ITPR1: variants seen among roughly 807,000 people sequenced by gnomAD.
ITPR1 encodes inositol 1,4,5-trisphosphate receptor type 1, also known as inositol 1,4,5-trisphosphate-gated calcium channel ITPR1.
ITPR1 carries 96 observed loss-of-function variants against 318.4 expected under a neutral mutation model. The ratio of observed to expected loss-of-function variants is 0.30; its 90% CI spans 0.26 to 0.36. The LOEUF (loss-of-function observed/expected upper bound fraction) is 0.36, where lower values mean the gene tolerates loss of function less well. Ranked by LOEUF, ITPR1 falls within the 10% of genes least tolerant of loss-of-function variation. The probability of loss-of-function intolerance (pLI) is 1.00; values close to 1 mark genes in which losing one functional copy is unlikely to be tolerated. For missense variants in ITPR1, 2,440 were observed against 3,460.2 expected (o/e 0.71, Z 7.40); for synonymous variants, 1,312 against 1,289.9 (o/e 1.02, Z -0.37).
At chr3:4,602,292 G>A (rs2091345887) in intron 4 of ITPR1, among the ~76,000 whole-genome samples, 2 of 152,096 alleles carry the variant, frequency 1.3e-5, no homozygotes, top group Admixed American at 1.3e-4. Context: ...GGCCAAGGTG[G>A]GTGGATTGCT....
At chr3:4,627,628 C>A in intron 4 of ITPR1, 135 bp from the exon 5 acceptor site, 1 of 584,364 alleles carries the variant, frequency 1.7e-6, no homozygotes, top group Non-Finnish European at 3.1e-6. Context: ...TGTCAAAGAG[C>A]TTTGTACTCT....
intron 2 of ITPR1, among the ~76,000 whole-genome samples, chr3:4,502,418 A>G (rs1262012522): frequency 6.6e-6 from 1 of 151,886 alleles, no homozygotes; most frequent in African/African-American, 2.4e-5. Flanking sequence ...GGCTGCTTGG[A>G]AAAACTAATT....
At chr3:4,670,007 A>G (rs1206161150) in intron 19 of ITPR1, among the ~76,000 whole-genome samples, 1 of 152,220 alleles carries the variant, frequency 6.6e-6, no homozygotes, top group African/African-American at 2.4e-5. Context: ...GAAGTCATGT[A>G]AACTCACCGG....
chr3:4,552,179 A>G (rs1460808160), intron 4 of ITPR1, among the ~76,000 whole-genome samples: 2 of 152,306 alleles, frequency 1.3e-5, no homozygotes, highest in East Asian at 3.9e-4. Context: ...GGGGTGGGGG[A>G]AATTCTCCCC....
At chr3:4,795,304 A>T in intron 53 of ITPR1, 117 bp downstream of exon 53, 1 of 878,070 alleles carries the variant, frequency 1.1e-6, no homozygotes, top group Non-Finnish European at 1.6e-6. Flanking sequence ...AGTTATCCAC[A>T]TTCAGACAAG....
intron 60 of ITPR1, among the ~76,000 whole-genome samples, chr3:4,824,141 C>T (rs1400301955): frequency 6.6e-6 from 1 of 152,136 alleles, no homozygotes; most frequent in Non-Finnish European, 1.5e-5. Context: ...GAACCTGCCC[C>T]CCCATGGTAG....
intron 52 of ITPR1, among the ~76,000 whole-genome samples, chr3:4,791,554 A>C (rs1459510264): frequency 6.6e-6 from 1 of 152,198 alleles, no homozygotes; most frequent in East Asian, 1.9e-4. Context: ...TGTGCTGCCC[A>C]GTTCATAACA....
At chr3:4,792,194 A>G (rs2047603423) in intron 52 of ITPR1, among the ~76,000 whole-genome samples, 1 of 152,056 alleles carries the variant, frequency 6.6e-6, no homozygotes, top group African/African-American at 2.4e-5. Context: ...ACCACATTGG[A>G]CCTACCTAGA....
intron 36 of ITPR1, among the ~76,000 whole-genome samples, chr3:4,704,109 C>G (rs961823841): frequency 6.6e-6 from 1 of 152,066 alleles, no homozygotes; most frequent in Non-Finnish European, 1.5e-5. Flanking sequence ...GGGGGAAAAG[C>G]GTTGAAAAAC....
At chr3:4,718,758 G>A (rs956654965) in intron 40 of ITPR1, among the ~76,000 whole-genome samples, 2 of 152,188 alleles carry the variant, frequency 1.3e-5, no homozygotes, top group Non-Finnish European at 2.9e-5. Flanking sequence ...AAAAGGGAGT[G>A]CACCAACTTA....
At chr3:4,682,067 C>G (rs1231673991) in intron 26 of ITPR1, among the ~76,000 whole-genome samples, 1 of 152,184 alleles carries the variant, frequency 6.6e-6, no homozygotes, top group African/African-American at 2.4e-5. Flanking sequence ...TAACATATTA[C>G]TCCAAAAAAC....
chr3:4,504,503 G>A (rs1169891928), intron 2 of ITPR1, among the ~76,000 whole-genome samples: 2 of 152,064 alleles, frequency 1.3e-5, no homozygotes, highest in Non-Finnish European at 2.9e-5. Flanking sequence ...AGTGCTTTTT[G>A]CAAGAGAATA....
At chr3:4,751,775 C>T (rs1050372899) in intron 44 of ITPR1, among the ~76,000 whole-genome samples, 8 of 152,170 alleles carry the variant, frequency 5.3e-5, no homozygotes, top group Admixed American at 2.0e-4. Context: ...GAGTTAACTT[C>T]ATGGTTGAGA....
At chr3:4,821,544 C>A (rs1030707992) in intron 60 of ITPR1, among the ~76,000 whole-genome samples, 1 of 152,202 alleles carries the variant, frequency 6.6e-6, no homozygotes, top group Non-Finnish European at 1.5e-5. Context: ...CTTGGAAACC[C>A]AGGCTGACTT....
chr3:4,625,847 G>A (rs58901611), intron 4 of ITPR1, among the ~76,000 whole-genome samples: 1,680 of 152,290 alleles, frequency 0.011, 37 homozygotes, highest in African/African-American at 0.038. Flanking sequence ...GTGAGCCACC[G>A]CATCTGGCCC....
rs982625465 is a variant in ITPR1, at chr3:4,768,675, G to A, written c.5890G>A (p.Asp1964Asn). ...TQATADKAKD[D>N]LEMSAVITIM... is the part of the protein sequence containing the mutation. Reference sequence around the variant, plus strand: ...GGCCACTGCCGACAAGGCCAAGGACGACCTGGAGATGAGCGCGGTCATCAC... The same window carrying A: ...GGCCACTGCCGACAAGGCCAAGGACAACCTGGAGATGAGCGCGGTCATCAC... The change falls in exon 46 of 62, where the codon GAC becomes AAC. Residue 1964 changes from aspartate (D) to asparagine (N), a missense_variant. Physicochemically the swap from Asp to Asn is conservative, Grantham distance 23. Coordinates refer to ENST00000649015, the MANE Select transcript of ITPR1 (RefSeq NM_001378452.1). 21 of 1,613,814 alleles carry A rather than the reference G, an allele frequency of 1.3e-5. No homozygotes were observed. Among genetic ancestry groups the A allele is most frequent in the East Asian group, 2.2e-5 (1 of 44,880 alleles).
intron 60 of ITPR1, among the ~76,000 whole-genome samples, chr3:4,834,912 A>AT (rs2050785000): frequency 1.3e-5 from 2 of 152,138 alleles, no homozygotes; most frequent in Non-Finnish European, 2.9e-5. Context: ...AGAGATTGCC[A>AT]TTTTTCTCCT....
chr3:4,589,050 A>C (rs1248353074), intron 4 of ITPR1, among the ~76,000 whole-genome samples: 1 of 152,168 alleles, frequency 6.6e-6, no homozygotes, highest in Non-Finnish European at 1.5e-5. Context: ...TCAGCTGGGC[A>C]TGGTGGCGTG....
At chr3:4,595,276 A>T (rs1452649378) in intron 4 of ITPR1, among the ~76,000 whole-genome samples, 2 of 152,138 alleles carry the variant, frequency 1.3e-5, no homozygotes, top group African/African-American at 4.8e-5. Context: ...GCTTCAGGAA[A>T]CTTTGTCATG....
Sources: gnomAD v4.1 joint callset for allele counts (sites outside exome capture counted in the v4.1 genomes callset) on GRCh38, gnomAD v4.1.1 for gene constraint, MANE v1.5 for transcripts, NCBI Gene and HGNC (gene_info 2026-07-23, HGNC 2026-07-21) for gene names.